The following COL5A2 variants were observed in gnomAD, a reference collection of about 807,000 sequenced individuals.
COL5A2 encodes collagen type V alpha 2 chain.
A neutral mutation model predicts 208.2 loss-of-function variants in COL5A2; 23 were observed. That is an observed-to-expected ratio of 0.11 (90% CI 0.08 to 0.16). COL5A2 has a LOEUF of 0.16. Among genes scored for constraint, COL5A2 ranks in the 10% least tolerant of loss-of-function variants. COL5A2 has a pLI of 1.00. For missense variants in COL5A2, 1,590 were observed against 1,956.4 expected (o/e 0.81, Z 3.53); for synonymous variants, 625 against 628.5 (o/e 0.99, Z 0.08).
chr2:189,324,905 T>C, the COL5A2 span, among the ~76,000 whole-genome samples: 1 of 152,132 alleles, frequency 6.6e-6, no homozygotes, highest in African/African-American at 2.4e-5. Context: ...TAGCAAAGAC[T>C]TGGAACCAAC....
At chr2:189,073,624 A>T (rs983204760) in intron 17 of COL5A2, among the ~76,000 whole-genome samples, 2 of 152,160 alleles carry the variant, frequency 1.3e-5, no homozygotes, top group African/African-American at 4.8e-5. Context: ...TTACTACATG[A>T]TGCCTACAAT....
intron 1 of COL5A2, among the ~76,000 whole-genome samples, chr2:189,199,783 A>C (rs764554355): frequency 6.6e-6 from 1 of 152,232 alleles, no homozygotes; most frequent in African/African-American, 2.4e-5. Context: ...AAATACAATA[A>C]ATGCCCAAAG....
At chr2:189,065,496 T>A (rs947719940) in intron 23 of COL5A2, among the ~76,000 whole-genome samples, 1 of 151,064 alleles carries the variant, frequency 6.6e-6, no homozygotes. Context: ...GCCACTGCAC[T>A]CCAGCCTGGA....
chr2:189,092,549 T>TA (rs878993343), intron 6 of COL5A2, 129 bp from the exon 7 acceptor site: 1 of 709,534 alleles, frequency 1.4e-6, no homozygotes, highest in Non-Finnish European at 2.6e-6. Flanking sequence ...TCTAGCCACT[T>TA]AGAGTAATTT....
chr2:189,332,327 T>C, the COL5A2 span, among the ~76,000 whole-genome samples: 10 of 152,096 alleles, frequency 6.6e-5, no homozygotes, highest in Non-Finnish European at 1.5e-4. Flanking sequence ...AACCAACCTC[T>C]CCAGAATACA....
chr2:189,140,431 T>C (rs1687913960), intron 1 of COL5A2, among the ~76,000 whole-genome samples: 1 of 152,154 alleles, frequency 6.6e-6, no homozygotes, highest in Admixed American at 6.5e-5. Context: ...TGGAGGCACA[T>C]TTGGCATTAT....
chr2:189,039,320 C>A lies in COL5A2; in HGVS notation c.3877G>T (p.Ala1293Ser), dbSNP rs766162092. ...AGCTTTAGGTCATCACACGTGCGGG[C>A]TGGGTGCTTTTTCGAGCCATCGGGG... is the stretch of plus-strand genomic sequence containing the variant. The part of the protein sequence containing the change: ...RSPDGSKKHP[A>S]RTCDDLKLCH... Residue 1293 changes from alanine (A) to serine (S), a missense_variant, in exon 51 of 54, where the codon GCC becomes TCC. By Grantham distance (99) the Ala-to-Ser change is moderately conservative. Coordinates refer to ENST00000374866, the MANE Select transcript of COL5A2 (RefSeq NM_000393.5). The A allele has an allele frequency of 3.1e-6, 5 of 1,613,968 alleles. No individual in the cohort carries two copies. The African/African-American group carries it at 5.3e-5, about 17-fold the overall frequency.
chr2:189,071,643 T>C (rs1452668167), intron 18 of COL5A2, among the ~76,000 whole-genome samples: 1 of 152,170 alleles, frequency 6.6e-6, no homozygotes, highest in African/African-American at 2.4e-5. Flanking sequence ...GCATCTAATT[T>C]ATTTTAACCT....
intron 7 of COL5A2, among the ~76,000 whole-genome samples, chr2:189,090,384 T>C (rs770204275): frequency 3.3e-5 from 5 of 152,144 alleles, no homozygotes; most frequent in Non-Finnish European, 7.4e-5. Context: ...AAAGAAGCCA[T>C]CTCCATAATA....
chr2:189,064,866 G>A, intron 24 of COL5A2, 138 bp downstream of exon 24: 2 of 908,964 alleles, frequency 2.2e-6, no homozygotes, highest in Non-Finnish European at 3.6e-6. Context: ...AGAGAGGATT[G>A]GGGTTAGGCC....
chr2:189,098,659 T>C, intron 5 of COL5A2, 68 bp downstream of exon 5: 2 of 1,169,134 alleles, frequency 1.7e-6, no homozygotes, highest in Non-Finnish European at 2.6e-6. Flanking sequence ...ATGGATATAA[T>C]ATCTGTAAAG....
At chr2:189,327,851 G>A in the COL5A2 span, among the ~76,000 whole-genome samples, 20 of 152,306 alleles carry the variant, frequency 1.3e-4, no homozygotes, top group African/African-American at 4.6e-4. Context: ...GCAAGATGGA[G>A]TTCATGCTGA....
At chr2:189,370,051 T>C in the COL5A2 span, among the ~76,000 whole-genome samples, 1 of 152,216 alleles carries the variant, frequency 6.6e-6, no homozygotes, top group Non-Finnish European at 1.5e-5. Flanking sequence ...GACTCATTAA[T>C]ACTCCCAGCA....
At chr2:189,115,235 A>G (rs551322166) in intron 1 of COL5A2, among the ~76,000 whole-genome samples, 36 of 152,138 alleles carry the variant, frequency 2.4e-4, no homozygotes, top group Non-Finnish European at 4.9e-4. Flanking sequence ...CTTCTCATAA[A>G]TCTTAAGTGC....
the COL5A2 span, among the ~76,000 whole-genome samples, chr2:189,380,063 T>C: frequency 6.6e-6 from 1 of 151,920 alleles, no homozygotes; most frequent in Admixed American, 6.6e-5. Context: ...TCTCAGCAGT[T>C]AAAAATGCTG....
At chr2:189,196,205 A>G (rs1380278522) in intron 1 of COL5A2, among the ~76,000 whole-genome samples, 4 of 152,064 alleles carry the variant, frequency 2.6e-5, no homozygotes, top group East Asian at 3.9e-4. Flanking sequence ...TGAAAAAAGT[A>G]TTTCAGTACT....
At chr2:189,349,172 C>T in the COL5A2 span, among the ~76,000 whole-genome samples, 1 of 152,018 alleles carries the variant, frequency 6.6e-6, no homozygotes, top group East Asian at 1.9e-4. Context: ...TTCCTTAATA[C>T]ATCTGTATAC....
the COL5A2 span, among the ~76,000 whole-genome samples, chr2:189,335,382 T>C: frequency 4.6e-5 from 7 of 152,026 alleles, no homozygotes; most frequent in Non-Finnish European, 1.0e-4. Flanking sequence ...AATGGTGCAG[T>C]TGGAAAACAT....
At chr2:189,224,407 G>A (rs955228374) in intron 1 of COL5A2, among the ~76,000 whole-genome samples, 4 of 152,114 alleles carry the variant, frequency 2.6e-5, no homozygotes, top group Non-Finnish European at 5.9e-5. Context: ...TAGAAAATAT[G>A]GCTGGGCACG....
Sources: allele counts gnomAD v4.1 joint callset (sites outside exome capture counted in the v4.1 genomes callset), GRCh38; gene constraint gnomAD v4.1.1; transcripts MANE v1.5; gene names NCBI Gene and HGNC (gene_info 2026-07-23, HGNC 2026-07-21).